Variants in NLRC3 observed in about 807,000 individuals in gnomAD.
The protein encoded by NLRC3 is NLR family CARD domain containing 3, also known as NLR family CARD domain-containing protein 3.
In NLRC3, 87 loss-of-function variants were observed where a neutral mutation model predicts 91.6. The ratio of observed to expected loss-of-function variants is 0.95; its 90% confidence interval spans 0.80 to 1.14. The LOEUF is 1.14. NLRC3 is among the 50% of genes most tolerant of loss of function. NLRC3 has a pLI of 0.00. For missense variants in NLRC3, 1,577 were observed against 1,418.6 expected (o/e 1.11, Z -1.79); for synonymous variants, 694 against 625.3 (o/e 1.11, Z -1.64).
In NLRC3 at chr16:3,563,036, G is replaced by GGCA. The variant is rs2039678943; in HGVS notation, c.1898_1900dup (p.Leu633dup). 1 of 1,557,054 alleles carries GGCA rather than the reference G, an allele frequency of 6.4e-7. No homozygotes were observed. The highest frequency in any genetic ancestry group is 8.7e-7 in the Non-Finnish European group (1 of 1,150,916). ...GAGCTTCCGGCAGTAGAGCAGCTGG[G>GGCA]GCAGCAGGCTCTGAAGGACGCCCTG... On this transcript the variant is annotated inframe_insertion, in exon 5 of 20. Transcript: ENST00000359128.
intron 15 of NLRC3, chr16:3,544,616 T>A: frequency 2.6e-6 from 1 of 389,044 alleles, no homozygotes; most frequent in Non-Finnish European, 4.7e-6. Context: ...AAGGGGATGC[T>A]TTTCACAGCC....
At position 3,563,086 on chromosome 16, in the gene NLRC3, C is replaced by T. The variant is rs1283279213; in HGVS notation, c.1851G>A (p.Glu617=). The change falls in exon 5 of 20, where the codon GAG becomes GAA. Residue 617 remains glutamate (E), a synonymous_variant. Coordinates refer to ENST00000359128, the MANE Select transcript of NLRC3 (RefSeq NM_178844.4). Reference sequence around the variant, plus strand: ...GGCTGAGGCTCAGGGACAGGTTGGCCTCCTGGGCACAGGCGTCGGACACCT... The same window carrying T: ...GGCTGAGGCTCAGGGACAGGTTGGCTTCCTGGGCACAGGCGTCGGACACCT... ...LLQVSDACAQ[E]ANLSLSLSQG... is the part of the protein sequence containing the mutation. 1.9e-6 allele frequency: 3 copies of T among 1,571,564 alleles called. No homozygotes were observed. Among genetic ancestry groups the T allele is most frequent in the Non-Finnish European group, 2.6e-6 (3 of 1,159,124 alleles).
At chr16:3,557,085 C>T in intron 7 of NLRC3, 91 bp from the exon 8 acceptor site, 2 of 859,012 alleles carry the variant, frequency 2.3e-6, no homozygotes, top group Non-Finnish European at 3.9e-6. Flanking sequence ...AATTCGTGAT[C>T]CTCTAAGGGA....
intron 15 of NLRC3, 163 bp from the exon 16 acceptor site, chr16:3,544,492 G>A (rs1012017153): frequency 4.2e-5 from 26 of 617,288 alleles, no homozygotes; most frequent in Admixed American, 9.7e-5. Context: ...CCTGCAGCCC[G>A]CCGCCTCATA....
In NLRC3 at chr16:3,548,212, C is replaced by G; in HGVS notation, c.2694G>C (p.Gln898His). The G allele has an allele frequency of 6.3e-7, 1 of 1,591,116 alleles. No individual in the cohort carries two copies. Among genetic ancestry groups the G allele is most frequent in the Non-Finnish European group, 8.6e-7 (1 of 1,168,798 alleles). The change falls in exon 15 of 20, where the codon CAG becomes CAC. Residue 898 changes from glutamine (Q) to histidine (H), a missense_variant. Gln to His is a conservative substitution (Grantham distance 24). Coordinates refer to ENST00000359128, the MANE Select transcript of NLRC3 (RefSeq NM_178844.4). Reference protein sequence around the residue: ...ENRTLTSLHLQWNFIQAGAAQ... With the variant: ...ENRTLTSLHLHWNFIQAGAAQ... ...CAGCGCCGGCCTGGATGAAGTTCCACTGCAGGCTGGGCAGACACAGACACA... is the reference window on the plus strand; with the variant it reads ...CAGCGCCGGCCTGGATGAAGTTCCAGTGCAGGCTGGGCAGACACAGACACA...
chr16:3,565,881 T>G (rs1027440169), intron 2 of NLRC3, among the ~76,000 whole-genome samples: 1 of 151,406 alleles, frequency 6.6e-6, no homozygotes, highest in East Asian at 1.9e-4. Flanking sequence ...ATCTCTAAAA[T>G]TTTTTAAAAA....
intron 11 of NLRC3, 125 bp from the exon 12 acceptor site, chr16:3,549,905 C>T (rs1396407394): frequency 1.3e-5 from 8 of 627,534 alleles, no homozygotes; most frequent in African/African-American, 1.8e-5. Flanking sequence ...ACAGTGGTGG[C>T]CACACTGCTT....
chr16:3,549,211 G>T lies in NLRC3; in HGVS notation c.2534C>A (p.Ser845Tyr). The part of the protein sequence containing the change: ...TLLSLSLREN[S>Y]ISPEGAQAIA... The stretch of plus-strand genomic sequence containing the variant: ...GGCCTGGGCTCCCTCGGGACTGATG[G>T]AGTTTTCTCGAAGGCTGAAAAAAAA... The change falls in exon 13 of 20, where the codon TCC becomes TAC. Residue 845 changes from serine to tyrosine, a missense_variant. Coordinates refer to ENST00000359128, the MANE Select transcript of NLRC3 (RefSeq NM_178844.4). 6.3e-7 allele frequency: 1 copy of T among 1,582,548 alleles called. No homozygotes were observed. The highest frequency in any genetic ancestry group is 1.2e-5 in the South Asian group (1 of 86,334).
At chr16:3,560,959 A>G (rs966870154) in intron 6 of NLRC3, among the ~76,000 whole-genome samples, 6 of 151,624 alleles carry the variant, frequency 4.0e-5, no homozygotes, top group Middle Eastern at 3.2e-3. Flanking sequence ...ACACCCGGCC[A>G]CAAGATGCAA....
chr16:3,564,036 T>C lies in NLRC3; in HGVS notation c.901A>G (p.Met301Val), dbSNP rs1029393588. 1.2e-6 allele frequency: 2 copies of C among 1,611,832 alleles called. No homozygotes were observed. Among genetic ancestry groups the C allele is most frequent in the Non-Finnish European group, 1.7e-6 (2 of 1,179,872 alleles). ...AGAAGGGCCTGGTCCTCGGGGAACA[T>C]CTGCTCCAAACACACCTTGATCTCC... ...EEEIKVCLEQMFPEDQALLGW... is the reference protein window; with the variant it reads ...EEEIKVCLEQVFPEDQALLGW... The change falls in exon 5 of 20, where the codon ATG (methionine) becomes GTG (valine). Residue 301 changes from methionine to valine, a missense_variant. Met to Val is a conservative substitution (Grantham distance 21). Coordinates refer to ENST00000359128, the MANE Select transcript of NLRC3 (RefSeq NM_178844.4). The surrounding 1 kb of genome is among the most constrained non-coding windows in gnomAD (Gnocchi z 5.9).
intron 1 of NLRC3, among the ~76,000 whole-genome samples, chr16:3,570,868 GCAATGGATATCAGATCT>G (rs2040075284): frequency 6.6e-6 from 1 of 152,142 alleles, no homozygotes; most frequent in South Asian, 2.1e-4. Context: ...AGTGACATGA[GCAATGGATATCAGATCT>G]CTCCTGGAAT....
intron 6 of NLRC3, among the ~76,000 whole-genome samples, chr16:3,558,924 A>C (rs1055656251): frequency 6.6e-6 from 1 of 152,070 alleles, no homozygotes; most frequent in African/African-American, 2.4e-5. Flanking sequence ...GGTGCACGCC[A>C]CCACACCTGG....
chr16:3,563,902 G>T lies in NLRC3; in HGVS notation c.1035C>A (p.Ser345Arg). The part of the protein sequence containing the change: ...TGMALGHLWR[S>R]RTGPQDAELW... ...GCTCTGCATCCTGGGGCCCCGTCCT[G>T]CTGCGCCACAGGTGGCCTAGCGCCA... The change falls in exon 5 of 20, where the codon AGC (serine) becomes AGA (arginine). Residue 345 changes from serine to arginine, a missense_variant. Coordinates refer to ENST00000359128, the MANE Select transcript of NLRC3 (RefSeq NM_178844.4). 1 of 1,595,666 alleles carries T rather than the reference G, an allele frequency of 6.3e-7. No homozygotes were observed.
chr16:3,571,714 G>A (rs1434084721), intron 1 of NLRC3, among the ~76,000 whole-genome samples: 1 of 151,876 alleles, frequency 6.6e-6, no homozygotes, highest in East Asian at 1.9e-4. Flanking sequence ...GGCTGAGGCG[G>A]GTGGATCACA....
intron 9 of NLRC3, 32 bp downstream of exon 9, chr16:3,554,210 A>G (rs776493373): frequency 2.6e-6 from 4 of 1,510,916 alleles, no homozygotes; most frequent in Admixed American, 1.7e-5. Flanking sequence ...GAGAAGGGAG[A>G]GAAGGGGGAG....
Position 3,548,133 on chromosome 16 carries a change from A to C in NLRC3, c.2771+2T>G. 6.3e-7 allele frequency: 1 copy of C among 1,577,828 alleles called. No individual in the cohort carries two copies. The highest frequency in any genetic ancestry group is 8.6e-7 in the Non-Finnish European group (1 of 1,161,476). ...CTGCAGCCCCTGGGCAGGCCAACTT[A>C]CTCTAAGCTGGTGAGGCTCCTGTTG... On this transcript the variant is annotated splice_donor_variant, in intron 15 of 19. Transcript: ENST00000359128. LOFTEE classifies it high-confidence loss of function.
At chr16:3,553,774 C>T (rs1033176110) in intron 9 of NLRC3, among the ~76,000 whole-genome samples, 1 of 150,316 alleles carries the variant, frequency 6.7e-6, no homozygotes, top group Non-Finnish European at 1.5e-5. Context: ...GACAGAGTCT[C>T]GCTGTCGCCC....
Position 3,552,222 on chromosome 16 carries a change from C to T in NLRC3, c.2325G>A (p.Lys775=). The T allele has an allele frequency of 1.2e-6, 2 of 1,612,764 alleles. No individual in the cohort carries two copies. The highest frequency in any genetic ancestry group is 1.7e-6 in the Non-Finnish European group (2 of 1,178,744). The part of the protein sequence containing the change: ...MGAQRMADAL[K]QNRSLKELMF... Reference sequence around the variant, plus strand: ...TGAGCTCTTTCAGACTCCTGTTCTGCTTCAAGGCATCTGCCATCCGCTGGG... The same window carrying T: ...TGAGCTCTTTCAGACTCCTGTTCTGTTTCAAGGCATCTGCCATCCGCTGGG... Residue 775 remains lysine (K), a synonymous_variant, in exon 10 of 20, where the codon AAG becomes AAA. Coordinates refer to ENST00000359128, the MANE Select transcript of NLRC3 (RefSeq NM_178844.4).
chr16:3,543,266 A>G, intron 17 of NLRC3, 159 bp downstream of exon 17: 1 of 628,556 alleles, frequency 1.6e-6, no homozygotes, highest in Non-Finnish European at 2.8e-6. Context: ...TCCCAGGGAA[A>G]GGCATGAAGT....
Sources: allele counts gnomAD v4.1 joint callset (sites outside exome capture counted in the v4.1 genomes callset), GRCh38; gene constraint gnomAD v4.1.1; non-coding constraint Gnocchi (gnomAD v3.1); transcripts MANE v1.5; gene names NCBI Gene and HGNC (gene_info 2026-07-23, HGNC 2026-07-21).